Variants in GLRA3 observed in about 807,000 individuals in gnomAD.
The protein encoded by GLRA3 is glycine receptor subunit alpha-3.
A neutral mutation model predicts 60.4 loss-of-function variants in GLRA3; 44 were observed. That is an observed-to-expected ratio of 0.73 (90% CI 0.57 to 0.94). GLRA3 has a LOEUF of 0.94. Among genes scored for constraint, GLRA3 ranks in the 40% least tolerant of loss-of-function variants. GLRA3 has a pLI of 0.00. For missense variants in GLRA3, 508 were observed against 564.6 expected (o/e 0.90, Z 1.02); for synonymous variants, 223 against 192.9 (o/e 1.16, Z -1.29).
At chr4:174,689,317 T>G (rs977594617) in intron 5 of GLRA3, among the ~76,000 whole-genome samples, 7 of 152,160 alleles carry the variant, frequency 4.6e-5, no homozygotes, top group African/African-American at 1.7e-4. Flanking sequence ...GCAGTAAGAA[T>G]AGTGGAATAT....
intron 1 of GLRA3, among the ~76,000 whole-genome samples, chr4:174,822,450 G>T (rs1740776778): frequency 6.6e-6 from 1 of 152,116 alleles, no homozygotes; most frequent in South Asian, 2.1e-4. Flanking sequence ...AGTTCATTTT[G>T]TCTAGGAGAA....
intron 4 of GLRA3, among the ~76,000 whole-genome samples, chr4:174,718,244 C>G (rs529464164): frequency 6.6e-6 from 1 of 152,208 alleles, no homozygotes; most frequent in African/African-American, 2.4e-5. Context: ...TGTCAAAACA[C>G]TACATATAAA....
At chr4:174,796,806 A>T (rs1268005561) in intron 1 of GLRA3, among the ~76,000 whole-genome samples, 1 of 152,120 alleles carries the variant, frequency 6.6e-6, no homozygotes, top group Non-Finnish European at 1.5e-5. Flanking sequence ...AATTGCTGGG[A>T]TTACAAGCAT....
intron 3 of GLRA3, among the ~76,000 whole-genome samples, chr4:174,736,220 T>C (rs1229239965): frequency 6.6e-6 from 1 of 152,136 alleles, no homozygotes; most frequent in Non-Finnish European, 1.5e-5. Context: ...TGTGTGTTTT[T>C]AAAATTTAAA....
Position 174,728,647 on chromosome 4 carries a change from C to T in GLRA3, c.319G>A (p.Ala107Thr), listed in dbSNP as rs138454135. Residue 107 changes from alanine to threonine, a missense_variant, in exon 4 of 10, where the codon GCG becomes ACG. Transcript: ENST00000274093. ...GAGTCGTCAGGATATTCACTGTACG[C>T]GAGGCGGGGATCATTCCATTTCTGA... is the stretch of plus-strand genomic sequence containing the variant. ...LRQKWNDPRLAYSEYPDDSLD... is the reference protein window; with the variant it reads ...LRQKWNDPRLTYSEYPDDSLD... 7.6e-5 allele frequency: 123 copies of T among 1,611,076 alleles called. No individual in the cohort carries two copies. Among genetic ancestry groups the T allele is most frequent in the East Asian group, 5.6e-4 (25 of 44,850 alleles).
intron 1 of GLRA3, among the ~76,000 whole-genome samples, chr4:174,807,449 T>G (rs1402740922): frequency 6.6e-6 from 1 of 151,916 alleles, no homozygotes; most frequent in Non-Finnish European, 1.5e-5. Context: ...TTCTGGGAGA[T>G]GAAAAAGAAA....
chr4:174,692,952 A>AT (rs1734915346), intron 5 of GLRA3, among the ~76,000 whole-genome samples: 3 of 151,890 alleles, frequency 2.0e-5, no homozygotes, highest in Admixed American at 1.3e-4. Context: ...AAAAATAAAA[A>AT]AAAAAAAAGA....
intron 2 of GLRA3, among the ~76,000 whole-genome samples, chr4:174,770,650 T>C (rs889477061): frequency 2.0e-5 from 3 of 152,032 alleles, no homozygotes; most frequent in Non-Finnish European, 4.4e-5. Context: ...AGTTAAATTG[T>C]TTTAAATATG....
At chr4:174,646,736 A>T (rs1452822321) in intron 9 of GLRA3, among the ~76,000 whole-genome samples, 1 of 152,156 alleles carries the variant, frequency 6.6e-6, no homozygotes. Flanking sequence ...TGGAGGTCTG[A>T]TGGGTTTCCT....
chr4:174,721,975 C>G (rs1457095312), intron 4 of GLRA3, among the ~76,000 whole-genome samples: 2 of 151,838 alleles, frequency 1.3e-5, no homozygotes, highest in East Asian at 3.9e-4. Context: ...TCTACAGATT[C>G]TGGCATTTGG....
chr4:174,646,044 A>T (rs1043994731), intron 9 of GLRA3, among the ~76,000 whole-genome samples: 2 of 152,176 alleles, frequency 1.3e-5, no homozygotes, highest in African/African-American at 4.8e-5. Flanking sequence ...AACTATAGCA[A>T]CCTATGTGTT....
At chr4:174,734,937 T>C (rs1240926394) in intron 3 of GLRA3, among the ~76,000 whole-genome samples, 1 of 152,150 alleles carries the variant, frequency 6.6e-6, no homozygotes, top group Non-Finnish European at 1.5e-5. Flanking sequence ...TCGATTTAGG[T>C]GTAAACACCT....
At chr4:174,828,068 C>T (rs143896929) in intron 1 of GLRA3, among the ~76,000 whole-genome samples, 3 of 151,942 alleles carry the variant, frequency 2.0e-5, no homozygotes, top group African/African-American at 7.2e-5. Context: ...TTAAGCCTAC[C>T]AAATATGACA....
chr4:174,809,399 C>A (rs113049271), intron 1 of GLRA3, among the ~76,000 whole-genome samples: 2 of 152,028 alleles, frequency 1.3e-5, no homozygotes, highest in East Asian at 1.9e-4. Flanking sequence ...AAGCAACAAA[C>A]GGCTGTAGTC....
At chr4:174,796,963 G>T (rs1347957362) in intron 1 of GLRA3, among the ~76,000 whole-genome samples, 1 of 152,068 alleles carries the variant, frequency 6.6e-6, no homozygotes, top group Non-Finnish European at 1.5e-5. Context: ...TGTACCATGT[G>T]AACATTAGCA....
At chr4:174,815,334 G>A (rs1740445582) in intron 1 of GLRA3, among the ~76,000 whole-genome samples, 1 of 152,160 alleles carries the variant, frequency 6.6e-6, no homozygotes, top group South Asian at 2.1e-4. Flanking sequence ...GCTTTTCCAG[G>A]TGCTCAGAGC....
At chr4:174,766,799 C>T (rs891436305) in intron 3 of GLRA3, among the ~76,000 whole-genome samples, 164 bp downstream of exon 3, 5 of 151,994 alleles carry the variant, frequency 3.3e-5, no homozygotes, top group Non-Finnish European at 5.9e-5. Flanking sequence ...CCATCTCTAA[C>T]TGAAATGTTA....
chr4:174,676,693 TAAGTA>T (rs142649272), intron 7 of GLRA3, among the ~76,000 whole-genome samples: 2,175 of 152,180 alleles, frequency 0.014, 42 homozygotes, highest in African/African-American at 0.049. Context: ...TAAGAGTGAC[TAAGTA>T]AATTATGGCA....
chr4:174,671,304 A>G (rs568506057), intron 7 of GLRA3, among the ~76,000 whole-genome samples: 51 of 152,322 alleles, frequency 3.3e-4, no homozygotes, highest in South Asian at 1.0e-3. Context: ...CTATATTAAT[A>G]GGAAAACCTG....
Sources: gnomAD v4.1 joint callset for allele counts (sites outside exome capture counted in the v4.1 genomes callset) on GRCh38, gnomAD v4.1.1 for gene constraint, MANE v1.5 for transcripts, NCBI Gene and HGNC (gene_info 2026-07-23, HGNC 2026-07-21) for gene names.